Variants in NPAS3 observed in about 807,000 individuals in gnomAD.
NPAS3 encodes the protein neuronal PAS domain protein 3.
Under a neutral mutation model 73.1 loss-of-function variants are expected in NPAS3, and 14 were observed. The ratio of observed to expected loss-of-function variants is 0.19; its 90% CI spans 0.13 to 0.30. The LOEUF is 0.30. NPAS3 is among the 10% of genes least tolerant of loss of function. The probability of loss-of-function intolerance (pLI) is 1.00; values close to 1 mark genes in which losing one functional copy is unlikely to be tolerated. For synonymous variants in NPAS3, 620 were observed against 541.5 expected (o/e 1.14, Z -2.01); for missense variants, 1,096 against 1,250.0 (o/e 0.88, Z 1.86).
At chr14:33,577,307 G>C (rs1002213182) in intron 5 of NPAS3, among the ~76,000 whole-genome samples, 25 of 152,034 alleles carry the variant, frequency 1.6e-4, no homozygotes, top group Non-Finnish European at 3.5e-4. Flanking sequence ...TTACCAATAT[G>C]AAAAATCTAA....
At chr14:33,272,609 G>T (rs1249446718) in intron 3 of NPAS3, among the ~76,000 whole-genome samples, 4 of 152,042 alleles carry the variant, frequency 2.6e-5, no homozygotes, top group Non-Finnish European at 4.4e-5. Flanking sequence ...TAGAGATGGG[G>T]TTTCACCATG....
intron 4 of NPAS3, among the ~76,000 whole-genome samples, chr14:33,448,859 A>G: frequency 6.6e-6 from 1 of 152,212 alleles, no homozygotes; most frequent in East Asian, 1.9e-4. Flanking sequence ...GCCCAGCCTG[A>G]GTGAGCAGGC....
intron 4 of NPAS3, among the ~76,000 whole-genome samples, chr14:33,503,146 A>G (rs927956804): frequency 2.0e-5 from 3 of 152,020 alleles, no homozygotes; most frequent in Admixed American, 2.0e-4. Flanking sequence ...AGAAAAAAAT[A>G]TCAATGCAAA....
At chr14:33,258,730 C>T (rs2048864422) in intron 3 of NPAS3, among the ~76,000 whole-genome samples, 1 of 152,192 alleles carries the variant, frequency 6.6e-6, no homozygotes, top group South Asian at 2.1e-4. Flanking sequence ...CGTATTTCCT[C>T]TTTACCTCTC....
intron 1 of NPAS3, among the ~76,000 whole-genome samples, chr14:32,990,556 C>A (rs1213398887): frequency 3.3e-5 from 5 of 151,972 alleles, no homozygotes; most frequent in Non-Finnish European, 7.4e-5. Context: ...TACCAGTGGG[C>A]AAATCCAGTA....
At chr14:33,363,633 T>C (rs552373561) in intron 3 of NPAS3, among the ~76,000 whole-genome samples, 58 of 152,370 alleles carry the variant, frequency 3.8e-4, no homozygotes, top group African/African-American at 1.3e-3. Context: ...TTGATAATTA[T>C]ATACTGGACC....
chr14:33,095,256 T>C (rs200884873), intron 2 of NPAS3, among the ~76,000 whole-genome samples: 2 of 152,186 alleles, frequency 1.3e-5, no homozygotes, highest in African/African-American at 4.8e-5. Flanking sequence ...TTTGTGGACG[T>C]GATCTACATT....
chr14:33,364,641 G>A (rs1362173913), intron 3 of NPAS3, among the ~76,000 whole-genome samples: 2 of 152,124 alleles, frequency 1.3e-5, no homozygotes, highest in African/African-American at 4.8e-5. Context: ...TTTCTAGGGG[G>A]TTTGGAGAAC....
At chr14:33,542,476 T>G (rs10146393) in intron 4 of NPAS3, among the ~76,000 whole-genome samples, 2 of 151,880 alleles carry the variant, frequency 1.3e-5, no homozygotes, top group African/African-American at 4.8e-5. Flanking sequence ...CTCCTCCAGG[T>G]TCAGGGATGC....
exon 6 of NPAS3, chr14:33,676,303 G>A (rs1176660552): frequency 3.1e-6 from 5 of 1,613,082 alleles, no homozygotes; most frequent in African/African-American, 2.7e-5. Context: ...TCCCCCCTGG[G>A]CGGGGTCTCC....
intron 2 of NPAS3, among the ~76,000 whole-genome samples, chr14:33,068,103 G>T (rs1245899548): frequency 2.0e-5 from 3 of 152,158 alleles, no homozygotes; most frequent in African/African-American, 2.4e-5. Context: ...CACCATGCTA[G>T]GGAATGCAAA....
intron 4 of NPAS3, among the ~76,000 whole-genome samples, chr14:33,446,069 G>T (rs1167433943): frequency 6.7e-6 from 1 of 150,340 alleles, no homozygotes; most frequent in Non-Finnish European, 1.5e-5. Flanking sequence ...ATCTTCTGAT[G>T]TTCCGTTTGA....
chr14:33,732,586 T>C (rs2061427396), intron 6 of NPAS3, among the ~76,000 whole-genome samples: 1 of 152,160 alleles, frequency 6.6e-6, no homozygotes, highest in South Asian at 2.1e-4. Flanking sequence ...TCAGTAGAAA[T>C]TGTCATCAGA....
rs1293222529 is a variant in NPAS3, at chr14:33,410,787, A to G, written c.468+43519A>G. ...CAGTCCCCTGAGTAGCTGGGACTAC[A>G]GGCATGCGCCACCACACCCGGCTAA... On this transcript the variant is annotated intron_variant, in intron 4 of 11. Coordinates refer to ENST00000356141, the Ensembl canonical transcript of NPAS3. Among the ~76,000 whole-genome samples the G allele has an allele frequency of 2.0e-5, 3 of 152,152 alleles. No homozygotes were observed. In the East Asian group the frequency reaches 5.8e-4, roughly 29 times the overall value.
At chr14:33,222,323 G>A (rs2047461564) in intron 3 of NPAS3, among the ~76,000 whole-genome samples, 2 of 152,182 alleles carry the variant, frequency 1.3e-5, no homozygotes, top group Admixed American at 1.3e-4. Context: ...GAAAAAGAAG[G>A]AGGTCAGAGA....
intron 4 of NPAS3, among the ~76,000 whole-genome samples, chr14:33,433,910 G>T (rs1594897999): frequency 6.6e-6 from 1 of 152,280 alleles, no homozygotes; most frequent in East Asian, 1.9e-4. Context: ...AACATACTAG[G>T]CCGGGCATGG....
At chr14:33,664,600 T>A (rs1380274338) in intron 5 of NPAS3, among the ~76,000 whole-genome samples, 1 of 151,934 alleles carries the variant, frequency 6.6e-6, no homozygotes, top group African/African-American at 2.4e-5. Context: ...TGGGAGAAAA[T>A]TTTTGCAATC....
chr14:33,745,720 A>T (rs1021102177), intron 7 of NPAS3, among the ~76,000 whole-genome samples: 1 of 152,228 alleles, frequency 6.6e-6, no homozygotes, highest in Non-Finnish European at 1.5e-5. Context: ...AAGTTATATG[A>T]GCTCTAGAAT....
At chr14:33,385,381 A>G (rs931446381) in intron 4 of NPAS3, among the ~76,000 whole-genome samples, 8 of 152,182 alleles carry the variant, frequency 5.3e-5, no homozygotes, top group Non-Finnish European at 1.2e-4. Context: ...AACTTAGTGT[A>G]TATAAATGCA....
Sources: gnomAD v4.1 joint callset for allele counts (sites outside exome capture counted in the v4.1 genomes callset) on GRCh38, gnomAD v4.1.1 for gene constraint, MANE v1.5 for transcripts, NCBI Gene and HGNC (gene_info 2026-07-23, HGNC 2026-07-21) for gene names.